The following CARHSP1 variants were observed in gnomAD, a reference collection of about 807,000 sequenced individuals.
CARHSP1 encodes calcium-regulated heat-stable protein 1.
In CARHSP1, 14 loss-of-function variants were observed where a neutral mutation model predicts 12.5. The observed-to-expected ratio is 1.12, with a 90% confidence interval of 0.74 to 1.75. The LOEUF is 1.75. Ranked by LOEUF, CARHSP1 falls within the 40% of genes most tolerant of loss-of-function variation. CARHSP1 has a pLI of 0.00. For missense variants in CARHSP1, 343 were observed against 201.6 expected (o/e 1.70, Z -4.25); for synonymous variants, 161 against 82.0 (o/e 1.96, Z -5.20).
rs943140808 is a variant in CARHSP1, at chr16:8,853,770, T to C, written c.*1394A>G. ...ACCACAGCAAAGATAACCTAAGGAT[T>C]TGTTTACCAGAAATACCTACAAAAA... On this transcript the variant is annotated 3_prime_UTR_variant, in exon 4 of 4. Transcript: ENST00000311052. 6.6e-6 allele frequency: 1 copy of C among 152,162 alleles called. No individual in the cohort carries two copies. The highest frequency in any genetic ancestry group is 6.5e-5 in the Admixed American group (1 of 15,272). The allele number at this position is 152,162 out of a possible 1,614,324, so 9.4% of individuals were successfully genotyped here. A position where few individuals can be genotyped will look rare whatever the true frequency, so the allele number is the denominator to read the frequency against.
At chr16:8,858,547 A>C in intron 2 of CARHSP1, 75 bp from the exon 3 acceptor site, 9 of 1,564,570 alleles carry the variant, frequency 5.8e-6, no homozygotes, top group Non-Finnish European at 7.8e-6. Flanking sequence ...GCCCCTGCCC[A>C]CAGCTGTGCC....
rs1223585958 is a variant in CARHSP1 at position 8,853,026 on chromosome 16, T to G, written c.*2138A>C. On this transcript the variant is annotated 3_prime_UTR_variant, in exon 4 of 4. Coordinates refer to ENST00000311052, the MANE Select transcript of CARHSP1 (RefSeq NM_014316.4). The stretch of plus-strand genomic sequence containing the variant: ...GGATTCAGGAATCCTCAATTTTAGC[T>G]CTCGCTCTGTCACCAAAACCCTCCG... 1 of 152,154 alleles carries G rather than the reference T, an allele frequency of 6.6e-6. No individual in the cohort carries two copies. The highest frequency in any genetic ancestry group is 2.4e-5 in the African/African-American group (1 of 41,430). 9.4% of individuals were successfully genotyped at this position (152,154 alleles called of 1,614,324 possible). A position where few individuals can be genotyped will look rare whatever the true frequency, so the allele number is the denominator to read the frequency against.
chr16:8,858,439 T>C lies in CARHSP1; in HGVS notation c.192A>G (p.Lys64=). The C allele has an allele frequency of 6.2e-7, 1 of 1,613,982 alleles. No individual in the cohort carries two copies. Among genetic ancestry groups the C allele is most frequent in the South Asian group, 1.1e-5 (1 of 91,072 alleles). ...TVRASQGPVY[K]GVCKCFCRSK... The stretch of plus-strand genomic sequence containing the variant: ...ACCGGCAGAAGCATTTGCAGACTCC[T>C]TTGTAGACGGGGCCCTGTGAAGCCC... The change falls in exon 3 of 4, where the codon AAA becomes AAG. Residue 64 remains lysine (K), a synonymous_variant. Coordinates refer to ENST00000311052, the MANE Select transcript of CARHSP1 (RefSeq NM_014316.4).
At chr16:8,857,592 CTT>C (rs35003515) in intron 3 of CARHSP1, 298 of 121,036 alleles carry the variant, frequency 2.5e-3, no homozygotes, top group Middle Eastern at 5.0e-3. Flanking sequence ...ATGCCCGATC[CTT>C]TTTTTTTTTT....
chr16:8,860,592 G>A (rs969680174), intron 1 of CARHSP1: 3 of 870,340 alleles, frequency 3.4e-6, no homozygotes, highest in Non-Finnish European at 4.1e-6. Flanking sequence ...TGGGGCAGCT[G>A]GGTGGGCATC....
At chr16:8,858,057 C>G in intron 3 of CARHSP1, 2 of 391,514 alleles carry the variant, frequency 5.1e-6, no homozygotes, top group Non-Finnish European at 9.4e-6. Context: ...GCCACCACGC[C>G]CAGCACACAC....
chr16:8,863,112 C>CTTTT (rs71155412), intron 1 of CARHSP1, among the ~76,000 whole-genome samples: 2,407 of 74,118 alleles, frequency 0.032, 307 homozygotes, highest in Non-Finnish European at 0.037. Flanking sequence ...ACAAGGATGG[C>CTTTT]TTTTTTTTTT....
rs1453474111 is a variant in CARHSP1, at chr16:8,861,853, G to T, written c.-7-2518C>A. The T allele has an allele frequency of 2.5e-6, 3 of 1,188,672 alleles. No individual in the cohort carries two copies. In the Admixed American group the frequency reaches 1.1e-4, roughly 42 times the overall value. 73.6% of individuals were successfully genotyped at this position (1,188,672 alleles called of 1,614,324 possible). A position where few individuals can be genotyped will look rare whatever the true frequency, so the allele number is the denominator to read the frequency against. On this transcript the variant is annotated intron_variant, in intron 1 of 3. Transcript: ENST00000311052. ...CCAGGAAAGAGGCTGGCCCTGGGAG[G>T]GGAGGGCCCTGTCCAGGCCTCCCAG...
At position 8,855,059 on chromosome 16, in the gene CARHSP1, G is replaced by C; in HGVS notation, c.*105C>G. ...GAGATACTTGAGAGGGACCATGCCC[G>C]GCTGAAGCCCCGTCTCGTGTGGAAG... On this transcript the variant is annotated 3_prime_UTR_variant, in exon 4 of 4. Transcript: ENST00000311052. 12 of 810,678 alleles carry C rather than the reference G, an allele frequency of 1.5e-5. No homozygotes were observed. Among genetic ancestry groups the C allele is most frequent in the Non-Finnish European group, 1.6e-5 (10 of 611,166 alleles). 50.2% of individuals were successfully genotyped at this position (810,678 alleles called of 1,614,324 possible).
intron 1 of CARHSP1, chr16:8,860,473 C>G (rs1390622312): frequency 2.0e-6 from 2 of 985,416 alleles, no homozygotes; most frequent in Non-Finnish European, 2.4e-6. Context: ...GGTGTCGGCT[C>G]TAACGTGGCC....
At chr16:8,860,748 C>T (rs2061328703) in intron 1 of CARHSP1, among the ~76,000 whole-genome samples, 1 of 152,050 alleles carries the variant, frequency 6.6e-6, no homozygotes, top group Non-Finnish European at 1.5e-5. Context: ...ATGGGGTTTT[C>T]AAATTTAGAT....
Position 8,858,380 on chromosome 16 carries a change from C to A in CARHSP1, c.251G>T (p.Gly84Val). ...GATGTGCAGGAAGATGTCGGGGCCG[C>A]CATCAGCTGGAGTAATGAAGCCATG... The part of the protein sequence containing the change: ...KGHGFITPAD[G>V]GPDIFLHISD... Residue 84 changes from glycine (G) to valine (V), a missense_variant, in exon 3 of 4, where the codon GGC becomes GTC. Transcript: ENST00000311052. The A allele has an allele frequency of 6.2e-7, 1 of 1,614,036 alleles. No individual in the cohort carries two copies. The highest frequency in any genetic ancestry group is 8.5e-7 in the Non-Finnish European group (1 of 1,180,014).
chr16:8,855,495 C>G (rs559925528), intron 3 of CARHSP1, among the ~76,000 whole-genome samples, 169 bp from the exon 4 acceptor site: 8 of 152,194 alleles, frequency 5.3e-5, no homozygotes, highest in Non-Finnish European at 4.4e-5. Context: ...AGCTGCCACA[C>G]TGCCCCCAGC....
At position 8,855,198 on chromosome 16, in the gene CARHSP1, T is replaced by A. The variant is rs752431589; in HGVS notation, c.410A>T (p.His137Leu). ...GATGACATGTCCAGACCAGGTCTCA[T>A]GCTTGGTGCCTGGTGCCAGGTGAGT... ...VITHLAPGTK[H>L]ETWSGHVISS The change falls in exon 4 of 4, where the codon CAT becomes CTT. Residue 137 changes from histidine to leucine, a missense_variant. His to Leu is a moderately conservative substitution (Grantham distance 99). Transcript: ENST00000311052. The A allele has an allele frequency of 6.2e-7, 1 of 1,612,340 alleles. No individual in the cohort carries two copies. Among genetic ancestry groups the A allele is most frequent in the Non-Finnish European group, 8.5e-7 (1 of 1,178,886 alleles).
chr16:8,860,555 CTG>C (rs2061320245), intron 1 of CARHSP1: 1 of 983,638 alleles, frequency 1.0e-6, no homozygotes, highest in Admixed American at 6.1e-5. Context: ...TTTCCCATCT[CTG>C]GGCTCAGTTT....
intron 3 of CARHSP1, among the ~76,000 whole-genome samples, chr16:8,856,060 CAGCCTCCGAA>C (rs1294168110): frequency 6.6e-6 from 1 of 152,196 alleles, no homozygotes; most frequent in African/African-American, 2.4e-5. Flanking sequence ...CCACCTGCCT[CAGCCTCCGAA>C]AGTGCTGGGA....
intron 1 of CARHSP1, chr16:8,860,146 G>T (rs1221697723): frequency 4.1e-6 from 4 of 985,244 alleles, no homozygotes; most frequent in Non-Finnish European, 4.8e-6. Context: ...GGAACACGTC[G>T]CAGAGAGCTC....
In CARHSP1 at chr16:8,853,683, A is replaced by G. The variant is rs1408418826; in HGVS notation, c.*1481T>C. The stretch of plus-strand genomic sequence containing the variant: ...GGATTCTTGACTACATATAGGTCAT[A>G]TATTTCAAAAAATAATGCCTAGCTA... On this transcript the variant is annotated 3_prime_UTR_variant, in exon 4 of 4. Coordinates refer to ENST00000311052, the MANE Select transcript of CARHSP1 (RefSeq NM_014316.4). 6.6e-6 allele frequency: 1 copy of G among 152,200 alleles called. No individual in the cohort carries two copies. Among genetic ancestry groups the G allele is most frequent in the African/African-American group, 2.4e-5 (1 of 41,452 alleles). 9.4% of individuals were successfully genotyped at this position (152,200 alleles called of 1,614,324 possible).
intron 1 of CARHSP1, chr16:8,861,603 C>A (rs1025247870): frequency 7.8e-7 from 1 of 1,288,506 alleles, no homozygotes; most frequent in Admixed American, 2.3e-5. Context: ...CCCGTTGGGC[C>A]TCAGTTCTGT....
Sources: gnomAD v4.1 joint callset for allele counts (sites outside exome capture counted in the v4.1 genomes callset) on GRCh38, gnomAD v4.1.1 for gene constraint, MANE v1.5 for transcripts, NCBI Gene and HGNC (gene_info 2026-07-23, HGNC 2026-07-21) for gene names.